Variants in SLC14A2 observed in about 807,000 individuals in gnomAD.
The protein encoded by SLC14A2 is urea transporter 2.
In SLC14A2, 91 loss-of-function variants were observed where a neutral mutation model predicts 104.6. The ratio of observed to expected loss-of-function variants is 0.87; its 90% CI spans 0.73 to 1.04. The LOEUF is 1.04. SLC14A2 is among the 50% of genes least tolerant of loss of function. The pLI, the probability that SLC14A2 is intolerant of heterozygous loss-of-function variation, is 0.00. For missense variants in SLC14A2, 1,189 were observed against 1,156.0 expected, an observed-to-expected ratio of 1.03 and a Z score of -0.41; for synonymous variants, 476 against 466.4, an observed-to-expected ratio of 1.02 and a Z score of -0.27.
chr18:45,606,746 AAC>A (rs2044877023), intron 2 of SLC14A2, among the ~76,000 whole-genome samples: 4 of 51,264 alleles, frequency 7.8e-5, no homozygotes, highest in African/African-American at 1.0e-4. Flanking sequence ...AAAAAAAAAA[AAC>A]AAAACAAAAA....
the SLC14A2 span, among the ~76,000 whole-genome samples, chr18:45,183,617 T>A: frequency 6.6e-6 from 1 of 152,104 alleles, no homozygotes; most frequent in African/African-American, 2.4e-5. Context: ...CTTTTGTCCA[T>A]CTGAGCCTTT....
At chr18:45,199,138 T>C in the SLC14A2 span, among the ~76,000 whole-genome samples, 1 of 150,956 alleles carries the variant, frequency 6.6e-6, no homozygotes, top group African/African-American at 2.4e-5. Context: ...CCAGGTTCTT[T>C]TATTAGTGAA....
intron 2 of SLC14A2, among the ~76,000 whole-genome samples, chr18:45,588,538 G>A (rs952025541): frequency 6.6e-6 from 1 of 152,184 alleles, no homozygotes; most frequent in African/African-American, 2.4e-5. Context: ...GACATCCATC[G>A]GCCCTGTGAA....
At chr18:45,601,201 G>T (rs2044787158) in intron 2 of SLC14A2, among the ~76,000 whole-genome samples, 1 of 152,192 alleles carries the variant, frequency 6.6e-6, no homozygotes, top group African/African-American at 2.4e-5. Flanking sequence ...ATTCTAACTG[G>T]CTACCAACTG....
At chr18:45,444,936 C>T (rs957340956) in intron 1 of SLC14A2, among the ~76,000 whole-genome samples, 4 of 152,044 alleles carry the variant, frequency 2.6e-5, no homozygotes, top group Admixed American at 1.3e-4. Flanking sequence ...ATTTGATAGC[C>T]AGTATCTAAT....
chr18:45,532,957 A>T (rs1055445472), intron 2 of SLC14A2, among the ~76,000 whole-genome samples: 1 of 152,034 alleles, frequency 6.6e-6, no homozygotes, highest in Non-Finnish European at 1.5e-5. Flanking sequence ...TGAGATAATC[A>T]TGTGGTTTTT....
intron 1 of SLC14A2, among the ~76,000 whole-genome samples, chr18:45,442,485 C>T (rs1370210035): frequency 2.6e-5 from 4 of 152,150 alleles, no homozygotes; most frequent in Non-Finnish European, 4.4e-5. Flanking sequence ...CTGCCTTCAT[C>T]CTCACACAGT....
chr18:45,206,408 CACAT>C, the SLC14A2 span, among the ~76,000 whole-genome samples: 1 of 150,318 alleles, frequency 6.7e-6, no homozygotes, highest in Non-Finnish European at 1.5e-5. Context: ...TCAGTACACA[CACAT>C]ACACATACAC....
At chr18:45,328,973 C>T (rs911678993) in intron 1 of SLC14A2, among the ~76,000 whole-genome samples, 6 of 152,154 alleles carry the variant, frequency 3.9e-5, no homozygotes, top group African/African-American at 1.4e-4. Flanking sequence ...ATAATTTGTT[C>T]CAAATGTTTC....
At chr18:45,176,956 T>C in the SLC14A2 span, among the ~76,000 whole-genome samples, 1 of 152,208 alleles carries the variant, frequency 6.6e-6, no homozygotes, top group Non-Finnish European at 1.5e-5. Flanking sequence ...CATTTCTACT[T>C]GGATGTCTTC....
intron 2 of SLC14A2, among the ~76,000 whole-genome samples, chr18:45,530,572 C>T (rs995879308): frequency 2.6e-5 from 4 of 152,070 alleles, no homozygotes; most frequent in Admixed American, 2.6e-4. Context: ...GTCTTGGGAA[C>T]CATCTATGTC....
At chr18:45,460,321 C>CA (rs1357740843) in intron 1 of SLC14A2, among the ~76,000 whole-genome samples, 2 of 152,144 alleles carry the variant, frequency 1.3e-5, no homozygotes, top group African/African-American at 4.8e-5. Context: ...TACCCACCAC[C>CA]ACCTCCATGC....
At chr18:45,358,160 G>C (rs1161575404) in intron 1 of SLC14A2, among the ~76,000 whole-genome samples, 2 of 152,284 alleles carry the variant, frequency 1.3e-5, no homozygotes, top group East Asian at 1.9e-4. Flanking sequence ...TGCAGTGAAT[G>C]GTGTGCTTTG....
intron 1 of SLC14A2, among the ~76,000 whole-genome samples, chr18:45,288,516 C>A (rs1377414450): frequency 6.6e-6 from 1 of 152,192 alleles, no homozygotes. Flanking sequence ...CTGGCAGCTT[C>A]TGGATAGAGG....
chr18:45,492,442 G>C (rs557891038), intron 2 of SLC14A2, among the ~76,000 whole-genome samples: 2 of 152,304 alleles, frequency 1.3e-5, no homozygotes, highest in African/African-American at 4.8e-5. Flanking sequence ...GCAAGTGAGA[G>C]AGAGTGTGTG....
At chr18:45,590,579 C>T (rs1035657286) in intron 2 of SLC14A2, among the ~76,000 whole-genome samples, 12 of 152,212 alleles carry the variant, frequency 7.9e-5, no homozygotes, top group African/African-American at 2.4e-4. Context: ...GAAAGCCAAG[C>T]GGGGCTCTCC....
intron 2 of SLC14A2, among the ~76,000 whole-genome samples, chr18:45,565,443 C>T (rs1366103788): frequency 1.3e-5 from 2 of 152,044 alleles, no homozygotes; most frequent in East Asian, 1.9e-4. Context: ...TGTGCTTCTA[C>T]GTGAGCATGC....
At chr18:45,537,681 TTGGGA>T (rs1298627683) in intron 2 of SLC14A2, among the ~76,000 whole-genome samples, 41 of 152,256 alleles carry the variant, frequency 2.7e-4, no homozygotes, top group African/African-American at 9.6e-4. Context: ...CTACATTTGG[TTGGGA>T]TCATTGGCTG....
At chr18:45,567,418 C>G (rs906528694) in intron 2 of SLC14A2, among the ~76,000 whole-genome samples, 1 of 152,224 alleles carries the variant, frequency 6.6e-6, no homozygotes, top group Non-Finnish European at 1.5e-5. Flanking sequence ...AGAGAGCAAG[C>G]TGGCTGGACA....
Sources: gnomAD v4.1 joint callset for allele counts (sites outside exome capture counted in the v4.1 genomes callset) on GRCh38, gnomAD v4.1.1 for gene constraint, MANE v1.5 for transcripts, NCBI Gene and HGNC (gene_info 2026-07-23, HGNC 2026-07-21) for gene names.